The following CSTPP1 variants were observed in gnomAD, a reference collection of about 807,000 sequenced individuals.
CSTPP1 encodes centriolar satellite-associated tubulin polyglutamylase complex regulator 1.
At chr11:47,042,628 T>G in the CSTPP1 span, among the ~76,000 whole-genome samples, 1 of 152,070 alleles carries the variant, frequency 6.6e-6, no homozygotes, top group African/African-American at 2.4e-5. Context: ...AAAATTAAAA[T>G]CTTCAAGGAA....
chr11:47,077,414 G>A, the CSTPP1 span, among the ~76,000 whole-genome samples: 1 of 151,960 alleles, frequency 6.6e-6, no homozygotes, highest in Admixed American at 6.6e-5. Context: ...TGGTCGGGCT[G>A]GTCTCGAACT....
the CSTPP1 span, among the ~76,000 whole-genome samples, chr11:47,047,250 A>C: frequency 1.3e-5 from 2 of 152,214 alleles, no homozygotes; most frequent in Non-Finnish European, 2.9e-5. Flanking sequence ...CTGAGAGAAG[A>C]AGCTAATCCT....
the CSTPP1 span, among the ~76,000 whole-genome samples, chr11:46,939,837 T>C: frequency 6.6e-6 from 1 of 152,172 alleles, no homozygotes; most frequent in African/African-American, 2.4e-5. Flanking sequence ...TTTCATTTAA[T>C]ACATCTTGAA....
At chr11:47,093,129 A>G in the CSTPP1 span, among the ~76,000 whole-genome samples, 37 of 152,244 alleles carry the variant, frequency 2.4e-4, no homozygotes, top group African/African-American at 8.4e-4. Context: ...TGTGTTACAC[A>G]TATACGTGTT....
At chr11:47,048,143 G>A in the CSTPP1 span, among the ~76,000 whole-genome samples, 3 of 152,132 alleles carry the variant, frequency 2.0e-5, no homozygotes, top group African/African-American at 7.2e-5. Flanking sequence ...CCCAGCAATT[G>A]CACTTGTAGG....
At chr11:47,100,562 C>T in the CSTPP1 span, among the ~76,000 whole-genome samples, 2 of 152,170 alleles carry the variant, frequency 1.3e-5, no homozygotes, top group Non-Finnish European at 2.9e-5. Context: ...GAGGCCGAGG[C>T]AGTGGATTGC....
At chr11:47,035,680 CT>C in the CSTPP1 span, among the ~76,000 whole-genome samples, 1 of 152,026 alleles carries the variant, frequency 6.6e-6, no homozygotes, top group Non-Finnish European at 1.5e-5. Context: ...TAAATGTTAA[CT>C]TTTTATAACA....
chr11:47,038,272 G>T, the CSTPP1 span, among the ~76,000 whole-genome samples: 3 of 113,750 alleles, frequency 2.6e-5, no homozygotes, highest in Non-Finnish European at 6.4e-5. Flanking sequence ...GGCTGGCCGG[G>T]CGGGGGGCTG....
the CSTPP1 span, among the ~76,000 whole-genome samples, chr11:47,079,607 T>C: frequency 6.6e-6 from 1 of 152,216 alleles, no homozygotes. Context: ...ATAAATCCAC[T>C]CACCATTAAA....
chr11:47,037,780 CTA>C, the CSTPP1 span, among the ~76,000 whole-genome samples: 1 of 127,440 alleles, frequency 7.8e-6, no homozygotes, highest in Non-Finnish European at 1.9e-5. Context: ...TCTCCCACGT[CTA>C]CCTCTTTCTA....
chr11:47,026,056 G>A, the CSTPP1 span, among the ~76,000 whole-genome samples: 1 of 152,182 alleles, frequency 6.6e-6, no homozygotes, highest in Admixed American at 6.5e-5. Context: ...CTCAGCTTCA[G>A]TAGCAGAAGA....
the CSTPP1 span, among the ~76,000 whole-genome samples, chr11:47,070,985 C>A: frequency 6.6e-6 from 1 of 152,094 alleles, no homozygotes; most frequent in East Asian, 1.9e-4. Flanking sequence ...GCTTTCCCAC[C>A]ATGTAGAACT....
At chr11:46,974,526 CA>C in the CSTPP1 span, among the ~76,000 whole-genome samples, 12,230 of 118,126 alleles carry the variant, frequency 0.1, 1,809 homozygotes, top group African/African-American at 0.37. Context: ...GACTCTGTCT[CA>C]AAAAAAAAAA....
the CSTPP1 span, among the ~76,000 whole-genome samples, chr11:46,979,995 G>A: frequency 6.6e-6 from 1 of 152,072 alleles, no homozygotes; most frequent in Non-Finnish European, 1.5e-5. Context: ...ATGAGATTTA[G>A]GCTGGAAATA....
the CSTPP1 span, among the ~76,000 whole-genome samples, chr11:47,152,022 G>A: frequency 6.6e-6 from 1 of 152,086 alleles, no homozygotes. Context: ...TGCCTCTATA[G>A]GCGGATCACT....
At chr11:47,162,901 G>A in the CSTPP1 span, among the ~76,000 whole-genome samples, 2 of 152,186 alleles carry the variant, frequency 1.3e-5, no homozygotes, top group Non-Finnish European at 2.9e-5. Flanking sequence ...AGCTGCTCCA[G>A]GATGCAGTGG....
At chr11:46,936,926 G>A in the CSTPP1 span, 3 of 1,415,132 alleles carry the variant, frequency 2.1e-6, no homozygotes, top group South Asian at 1.5e-5. Context: ...GGAGGCGGGG[G>A]CGGGGTCTGA....
the CSTPP1 span, among the ~76,000 whole-genome samples, chr11:47,093,636 G>A: frequency 4.6e-5 from 7 of 152,178 alleles, no homozygotes; most frequent in African/African-American, 1.7e-4. Flanking sequence ...ACCAGACATA[G>A]GTTTGAGTCC....
At chr11:47,131,275 G>T in the CSTPP1 span, among the ~76,000 whole-genome samples, 1 of 152,110 alleles carries the variant, frequency 6.6e-6, no homozygotes, top group Non-Finnish European at 1.5e-5. Context: ...AAGAGGAGAG[G>T]TATCCGATCT....
Sources: allele counts gnomAD v4.1 joint callset (sites outside exome capture counted in the v4.1 genomes callset), GRCh38; gene constraint gnomAD v4.1.1; transcripts MANE v1.5; gene names NCBI Gene and HGNC (gene_info 2026-07-23, HGNC 2026-07-21).